Variants in MRTFA observed in about 807,000 individuals in gnomAD.
MRTFA encodes the protein myocardin-related transcription factor A.
In MRTFA, 20 loss-of-function variants were observed where a neutral mutation model predicts 83.5. The observed-to-expected ratio is 0.24, with a 90% confidence interval of 0.17 to 0.35. The LOEUF is 0.35. MRTFA is among the 10% of genes least tolerant of loss of function. The probability of loss-of-function intolerance (pLI) is 1.00; values close to 1 mark genes in which losing one functional copy is unlikely to be tolerated. For missense variants in MRTFA, 1,200 were observed against 1,224.7 expected, an observed-to-expected ratio of 0.98 and a Z score of 0.30; for synonymous variants, 659 against 541.2, an observed-to-expected ratio of 1.22 and a Z score of -3.02.
intron 3 of MRTFA, among the ~76,000 whole-genome samples, chr22:40,513,607 A>AG (rs2054704340): frequency 6.6e-6 from 1 of 151,472 alleles, no homozygotes; most frequent in African/African-American, 2.4e-5. Flanking sequence ...CATCTCAAAA[A>AG]AAAAAAAAAA....
intron 1 of MRTFA, among the ~76,000 whole-genome samples, chr22:40,600,900 G>A (rs944915087): frequency 2.0e-5 from 3 of 152,120 alleles, no homozygotes; most frequent in Non-Finnish European, 2.9e-5. Flanking sequence ...GCTTGAACCC[G>A]GAAGGTGGAG....
intron 2 of MRTFA, among the ~76,000 whole-genome samples, chr22:40,575,904 C>A (rs1450836766): frequency 1.3e-5 from 2 of 152,164 alleles, no homozygotes; most frequent in Admixed American, 1.3e-4. Context: ...GAAGCACTAA[C>A]AATGCTAAGA....
intron 3 of MRTFA, among the ~76,000 whole-genome samples, chr22:40,532,612 T>C (rs1313876579): frequency 6.6e-6 from 1 of 152,228 alleles, no homozygotes; most frequent in African/African-American, 2.4e-5. Flanking sequence ...TCTTTGCCCC[T>C]TCCCTGATCA....
At chr22:40,546,913 T>C (rs1421771586) in intron 3 of MRTFA, among the ~76,000 whole-genome samples, 1 of 152,128 alleles carries the variant, frequency 6.6e-6, no homozygotes, top group Non-Finnish European at 1.5e-5. Flanking sequence ...CCCAGCACTT[T>C]GGGAGGCCGA....
At chr22:40,516,980 T>C (rs1041442157) in intron 3 of MRTFA, among the ~76,000 whole-genome samples, 9 of 152,046 alleles carry the variant, frequency 5.9e-5, no homozygotes, top group Non-Finnish European at 1.2e-4. Context: ...TGGAGTGCAG[T>C]GGTGCAATCA....
intron 2 of MRTFA, among the ~76,000 whole-genome samples, chr22:40,568,899 C>G (rs1218708194): frequency 1.3e-5 from 2 of 152,152 alleles, no homozygotes; most frequent in East Asian, 3.8e-4. Context: ...GCATGAAAAT[C>G]TTCAAATACC....
At chr22:40,518,559 C>T (rs559492438) in intron 3 of MRTFA, among the ~76,000 whole-genome samples, 15 of 151,802 alleles carry the variant, frequency 9.9e-5, no homozygotes, top group African/African-American at 2.9e-4. Context: ...TTTGGGAGGC[C>T]GAGGTGGGCG....
chr22:40,518,472 G>C (rs1201071185), intron 3 of MRTFA, among the ~76,000 whole-genome samples: 1 of 151,780 alleles, frequency 6.6e-6, no homozygotes, highest in African/African-American at 2.4e-5. Flanking sequence ...CAGAGGTGGA[G>C]TGTTGAAAGG....
intron 2 of MRTFA, among the ~76,000 whole-genome samples, chr22:40,558,247 C>A (rs1197552209): frequency 2.2e-5 from 1 of 45,488 alleles, no homozygotes; most frequent in Non-Finnish European, 3.9e-5. Context: ...TCATGCCTGG[C>A]TTTTTTTTTT....
At chr22:40,412,438 TA>T (rs1167433270) in intron 14 of MRTFA, 1 of 152,202 alleles carries the variant, frequency 6.6e-6, no homozygotes, top group Non-Finnish European at 1.5e-5. Context: ...CTTACTTACT[TA>T]AAAATAGAAT....
chr22:40,553,422 A>G (rs1424638868), intron 2 of MRTFA, among the ~76,000 whole-genome samples: 1 of 152,206 alleles, frequency 6.6e-6, no homozygotes, highest in Non-Finnish European at 1.5e-5. Context: ...GTGCAGCCTC[A>G]GGACATGGTG....
intron 2 of MRTFA, among the ~76,000 whole-genome samples, chr22:40,555,721 C>T (rs1243856671): frequency 2.0e-5 from 3 of 151,550 alleles, no homozygotes; most frequent in African/African-American, 7.3e-5. Context: ...ACTGCAAGCT[C>T]CACCTCCTGC....
intron 3 of MRTFA, among the ~76,000 whole-genome samples, chr22:40,490,600 A>C (rs2054257283): frequency 1.7e-5 from 2 of 115,336 alleles, no homozygotes; most frequent in African/African-American, 6.6e-5. Context: ...TTCCATCTCA[A>C]AAAAAAAAAA....
intron 2 of MRTFA, among the ~76,000 whole-genome samples, chr22:40,580,601 G>C (rs1479069769): frequency 6.6e-6 from 1 of 152,304 alleles, no homozygotes; most frequent in East Asian, 1.9e-4. Context: ...ATTTGCGTCA[G>C]ATTTTAAGAA....
chr22:40,609,482 CAAAAAAA>C (rs148106089), intron 1 of MRTFA, among the ~76,000 whole-genome samples: 2 of 69,722 alleles, frequency 2.9e-5, no homozygotes, highest in Non-Finnish European at 5.0e-5. Context: ...GTCTCTTTAA[CAAAAAAA>C]AAAAAAAAAA....
intron 4 of MRTFA, among the ~76,000 whole-genome samples, chr22:40,439,504 CAAAAAAAAAA>C (rs756033541): frequency 2.0e-3 from 64 of 32,148 alleles, no homozygotes; most frequent in African/African-American, 2.9e-3. Flanking sequence ...GACTCTGTCT[CAAAAAAAAAA>C]AAAAAAAAAA....
intron 7 of MRTFA, among the ~76,000 whole-genome samples, chr22:40,425,295 C>T (rs915472756): frequency 6.6e-6 from 1 of 152,242 alleles, no homozygotes; most frequent in African/African-American, 2.4e-5. Context: ...TCAACACTGT[C>T]GTGGGAAGAG....
intron 3 of MRTFA, among the ~76,000 whole-genome samples, chr22:40,525,905 C>T (rs1332162780): frequency 6.6e-6 from 1 of 152,006 alleles, no homozygotes; most frequent in Non-Finnish European, 1.5e-5. Flanking sequence ...GAGACAGCCA[C>T]AACCAATAAA....
At chr22:40,604,714 T>A (rs576849019) in intron 1 of MRTFA, among the ~76,000 whole-genome samples, 92 of 151,852 alleles carry the variant, frequency 6.1e-4, no homozygotes, top group African/African-American at 2.1e-3. Context: ...GCCATTGCAC[T>A]CCAGCCAGGT....
Sources: allele counts gnomAD v4.1 joint callset (sites outside exome capture counted in the v4.1 genomes callset), GRCh38; gene constraint gnomAD v4.1.1; transcripts MANE v1.5; gene names NCBI Gene and HGNC (gene_info 2026-07-23, HGNC 2026-07-21).